Variants in GABRQ observed in about 807,000 individuals in gnomAD.
GABRQ encodes the protein gamma-aminobutyric acid type A receptor subunit theta, also known as gamma-aminobutyric acid receptor subunit theta.
Under a neutral mutation model 30.5 loss-of-function variants are expected in GABRQ, and 19 were observed. The observed-to-expected ratio is 0.62, with a 90% CI of 0.43 to 0.91. The LOEUF is 0.91. GABRQ is among the 40% of genes least tolerant of loss of function. The pLI, the probability that GABRQ is intolerant of heterozygous loss-of-function variation, is 0.00. For missense variants in GABRQ, 520 were observed against 521.4 expected (o/e 1.00, Z 0.03); for synonymous variants, 187 against 210.2 (o/e 0.89, Z 0.95).
Position 152,653,194 on chromosome X carries a change from C to G in GABRQ, c.1812C>G (p.Val604=). 8.3e-7 allele frequency: 1 copy of G among 1,208,918 alleles called. No homozygotes were observed. Among genetic ancestry groups the G allele is most frequent in the Non-Finnish European group, 1.1e-6 (1 of 892,928 alleles). ...FSFDLFNPDY[V]PKVDKWSRFL... ...TCGATCTCTTTAATCCTGACTACGT[C>G]CCAAAGGTCGACAAGTGGTCCCGGT... is the stretch of plus-strand genomic sequence containing the variant. Residue 604 remains valine, a synonymous_variant, in exon 9 of 9, where the codon GTC becomes GTG. Coordinates refer to ENST00000598523, the MANE Select transcript of GABRQ (RefSeq NM_018558.4).
intron 4 of GABRQ, among the ~76,000 whole-genome samples, chrX:152,648,209 G>A (rs1277877897): frequency 1.8e-5 from 2 of 111,256 alleles, no homozygotes; most frequent in African/African-American, 6.6e-5. Context: ...ACTCAGCTGG[G>A]GTTAGCAGAT....
intron 5 of GABRQ, 39 bp from the exon 6 acceptor site, chrX:152,649,703 C>T (rs1930971721): frequency 1.8e-6 from 2 of 1,122,721 alleles, no homozygotes; most frequent in South Asian, 1.9e-5. Context: ...TTCTTTCTTT[C>T]TAAGAATCTG....
At chrX:152,658,902 G>A (rs781858890), downstream of GABRQ, among the ~76,000 whole-genome samples, 28 of 111,779 alleles carry the variant, frequency 2.5e-4, no homozygotes, top group African/African-American at 9.1e-4. Flanking sequence ...ATCCTTTCGT[G>A]AAGAAAGTGA....
intron 1 of GABRQ, among the ~76,000 whole-genome samples, chrX:152,638,857 C>T (rs969151346): frequency 3.6e-5 from 4 of 111,479 alleles, no homozygotes; most frequent in African/African-American, 1.3e-4. Flanking sequence ...GGACTCTTTC[C>T]AATGCGGCAG....
chrX:152,657,838 G>A (rs782317965), downstream of GABRQ, among the ~76,000 whole-genome samples: 1 of 112,497 alleles, frequency 8.9e-6, no homozygotes, highest in Non-Finnish European at 1.9e-5. Context: ...TAGAAGTTTC[G>A]TTCAATTTTA....
In GABRQ at chrX:152,637,993, C is replaced by T. The variant is rs1363864466; in HGVS notation, c.-210C>T. 8.8e-6 allele frequency among the ~76,000 whole-genome samples: 1 copy of T among 113,177 alleles called. No individual in the cohort carries two copies. Among genetic ancestry groups the T allele is most frequent in the East Asian group, 2.8e-4 (1 of 3,546 alleles). ...CAGCAGAGCTGCTGGGTGGTTGCTCCTCCCGGGCTCTCATCTCCGGTATCC... is the reference window on the plus strand; with the variant it reads ...CAGCAGAGCTGCTGGGTGGTTGCTCTTCCCGGGCTCTCATCTCCGGTATCC... On this transcript the variant is annotated 5_prime_UTR_variant, in exon 1 of 9. Transcript: ENST00000598523.
rs1930898324 is a variant in GABRQ at position 152,646,834 on chromosome X, T to C, written c.307-114T>C. On this transcript the variant is annotated intron_variant, in intron 3 of 8. Transcript: ENST00000598523. ...GCACTTGTATATAGTTATGATATAC[T>C]TCATACACTTGCATACACAAGTGCA... 5 of 511,703 alleles carry C rather than the reference T, an allele frequency of 9.8e-6. No homozygotes were observed. In the East Asian group the frequency reaches 9.9e-5, roughly 10 times the overall value. The allele number at this position is 511,703 out of a possible 1,213,427, so 42.2% of individuals were successfully genotyped here. A position where few individuals can be genotyped will look rare whatever the true frequency, so the allele number is the denominator to read the frequency against.
chrX:152,640,934 C>T (rs1286877268), intron 2 of GABRQ, among the ~76,000 whole-genome samples: 1 of 111,109 alleles, frequency 9.0e-6, no homozygotes, highest in Non-Finnish European at 1.9e-5. Flanking sequence ...CACCGAGGCC[C>T]TGGGCACTTC....
rs782673532 is a variant in GABRQ, at chrX:152,653,204, G to A, written c.1822G>A (p.Asp608Asn). ...LFNPDYVPKV[D>N]KWSRFLFPLA... ...TAATCCTGACTACGTCCCAAAGGTC[G>A]ACAAGTGGTCCCGGTTCCTCTTCCC... is the stretch of plus-strand genomic sequence containing the variant. Residue 608 changes from aspartate (D) to asparagine (N), a missense_variant, in exon 9 of 9, where the codon GAC (aspartate) becomes AAC (asparagine). By Grantham distance (23) the Asp-to-Asn change is conservative. Coordinates refer to ENST00000598523, the MANE Select transcript of GABRQ (RefSeq NM_018558.4). 3.3e-6 allele frequency: 4 copies of A among 1,207,117 alleles called. No individual in the cohort carries two copies. The highest frequency in any genetic ancestry group is 4.5e-6 in the Non-Finnish European group (4 of 891,330).
intron 2 of GABRQ, among the ~76,000 whole-genome samples, chrX:152,643,387 C>T (rs900800599): frequency 2.7e-5 from 3 of 112,226 alleles, no homozygotes; most frequent in Non-Finnish European, 5.6e-5. Flanking sequence ...ACACATTTCT[C>T]TCTTTGCAGC....
At position 152,640,248 on chromosome X, in the gene GABRQ, A is replaced by T. The variant is rs1172456981; in HGVS notation, c.150-130A>T. On this transcript the variant is annotated intron_variant, in intron 1 of 8. Coordinates refer to ENST00000598523, the MANE Select transcript of GABRQ (RefSeq NM_018558.4). ...ACCATGGGGAGGGAGGGGAGCAGGG[A>T]GAGAGAGTGTGTACACGTATGACTG... 3 of 506,831 alleles carry T rather than the reference A, an allele frequency of 5.9e-6. No homozygotes were observed. The African/African-American group carries it at 6.9e-5, about 12-fold the overall frequency. 41.8% of individuals were successfully genotyped at this position (506,831 alleles called of 1,213,427 possible). A position where few individuals can be genotyped will look rare whatever the true frequency, so the allele number is the denominator to read the frequency against.
rs782581699 is a variant in GABRQ, at chrX:152,648,653, G to A, written c.528-598G>A. ...TGGGATGACAGGTGTGAGCCACCGCGCCCGGCCGGATTCTTCTTATGGATG... is the reference window on the plus strand; with the variant it reads ...TGGGATGACAGGTGTGAGCCACCGCACCCGGCCGGATTCTTCTTATGGATG... On this transcript the variant is annotated intron_variant, in intron 4 of 8. Coordinates refer to ENST00000598523, the MANE Select transcript of GABRQ (RefSeq NM_018558.4). Among the ~76,000 whole-genome samples the A allele has an allele frequency of 6.3e-5, 7 of 111,638 alleles. No individual in the cohort carries two copies. The South Asian group carries it at 1.1e-3, about 18-fold the overall frequency.
chrX:152,651,504 G>A, intron 7 of GABRQ, 22 bp from the exon 8 acceptor site: 3 of 1,198,606 alleles, frequency 2.5e-6, no homozygotes, highest in Non-Finnish European at 3.4e-6. Flanking sequence ...AGGAGACTAA[G>A]TCTGTACTGT....
Position 152,653,263 on chromosome X carries a change from G to A in GABRQ, c.1881G>A (p.Trp627Ter). Reference protein sequence around the residue: ...LAFGLFNIVYWVYHMY With the variant: ...LAFGLFNIVY Reference sequence around the variant, plus strand: ...TTGGGTTGTTCAACATTGTTTACTGGGTATACCATATGTATTAGTCCCCCA... The same window carrying A: ...TTGGGTTGTTCAACATTGTTTACTGAGTATACCATATGTATTAGTCCCCCA... The change falls in exon 9 of 9, where the codon TGG (tryptophan) becomes TGA (stop). Residue 627 changes from tryptophan (W) to a stop codon, truncating the protein, a stop_gained. Coordinates refer to ENST00000598523, the MANE Select transcript of GABRQ (RefSeq NM_018558.4). LOFTEE classifies it high-confidence loss of function. The A allele has an allele frequency of 8.3e-7, 1 of 1,201,344 alleles. No homozygotes were observed. Among genetic ancestry groups the A allele is most frequent in the Non-Finnish European group, 1.1e-6 (1 of 886,889 alleles).
In GABRQ at chrX:152,638,046, C is replaced by T; in HGVS notation, c.-157C>T. The T allele has an allele frequency of 2.1e-6, 1 of 474,868 alleles. No individual in the cohort carries two copies. Among genetic ancestry groups the T allele is most frequent in the East Asian group, 3.9e-5 (1 of 25,580 alleles). 39.1% of individuals were successfully genotyped at this position (474,868 alleles called of 1,213,427 possible). On this transcript the variant is annotated 5_prime_UTR_variant, in exon 1 of 9. Coordinates refer to ENST00000598523, the MANE Select transcript of GABRQ (RefSeq NM_018558.4). ...GCCGACCCCCGCACCCCCTACTTCC[C>T]TTGCCCTCGCTGCTCTCTCCTTAGA...
chrX:152,657,425 G>A lies in GABRQ; in HGVS notation c.*4144G>A, dbSNP rs1483451164. 1 of 111,659 alleles carries A rather than the reference G, an allele frequency of 9.0e-6. No homozygotes were observed. The highest frequency in any genetic ancestry group is 2.8e-4 in the East Asian group (1 of 3,592). The allele number at this position is 111,659 out of a possible 1,213,427, so 9.2% of individuals were successfully genotyped here. A position where few individuals can be genotyped will look rare whatever the true frequency, so the allele number is the denominator to read the frequency against. On this transcript the variant is annotated 3_prime_UTR_variant, in exon 9 of 9. Transcript: ENST00000598523. ...GCATGAAAAGGACCTTGACTGGTCT[G>A]GACTTTAACAAAGTAAAATATGAAG...
rs1931100457 is a variant in GABRQ, at chrX:152,654,135, G to C, written c.*854G>C. 8.9e-6 allele frequency: 1 copy of C among 112,400 alleles called. No individual in the cohort carries two copies. Among genetic ancestry groups the C allele is most frequent in the African/African-American group, 3.2e-5 (1 of 30,878 alleles). 9.3% of individuals were successfully genotyped at this position (112,400 alleles called of 1,213,427 possible). On this transcript the variant is annotated 3_prime_UTR_variant, in exon 9 of 9. Transcript: ENST00000598523. ...ATAGAGACTCAATACATCTGTCTAA[G>C]TCAGGAGTTAGCTTTCCGTCAGTTG...
rs1931072612 is a variant in GABRQ at position 152,653,048 on chromosome X, A to G, written c.1666A>G (p.Ser556Gly). The change falls in exon 9 of 9, where the codon AGT becomes GGT. Residue 556 changes from serine (S) to glycine (G), a missense_variant. By Grantham distance (56) the Ser-to-Gly change is moderately conservative (BLOSUM62 0). Coordinates refer to ENST00000598523, the MANE Select transcript of GABRQ (RefSeq NM_018558.4). ...IKEQFKCDTN[S>G]TWGLNDDELM... is the part of the protein sequence containing the mutation. ...GGAGCAATTCAAGTGTGATACTAACAGTACCTGGGGCCTTAATGATGATGA... is the reference window on the plus strand; with the variant it reads ...GGAGCAATTCAAGTGTGATACTAACGGTACCTGGGGCCTTAATGATGATGA... 6.6e-6 allele frequency: 8 copies of G among 1,210,332 alleles called. No homozygotes were observed. The highest frequency in any genetic ancestry group is 8.9e-6 in the Non-Finnish European group (8 of 894,008).
At chrX:152,638,443 G>A (rs1930666743) in intron 1 of GABRQ, 92 bp downstream of exon 1, 2 of 932,345 alleles carry the variant, frequency 2.1e-6, no homozygotes, top group Non-Finnish European at 3.0e-6. Context: ...GGCTGGGGGC[G>A]ACTCGGGCTG....
Sources: gnomAD v4.1 joint callset for allele counts (sites outside exome capture counted in the v4.1 genomes callset) on GRCh38, gnomAD v4.1.1 for gene constraint, MANE v1.5 for transcripts, NCBI Gene and HGNC (gene_info 2026-07-23, HGNC 2026-07-21) for gene names.